Variants in PTPRT observed in about 807,000 individuals in gnomAD.
PTPRT encodes the protein protein tyrosine phosphatase receptor type T.
PTPRT carries 56 observed loss-of-function variants against 176.8 expected under a neutral mutation model. That is an observed-to-expected ratio of 0.32 (90% CI 0.26 to 0.40). PTPRT has a LOEUF of 0.40. PTPRT is among the 10% of genes least tolerant of loss of function. The pLI is 1.00. For missense variants in PTPRT, 1,540 were observed against 1,908.2 expected (o/e 0.81, Z 3.60); for synonymous variants, 783 against 739.0 (o/e 1.06, Z -0.96).
intron 1 of PTPRT, among the ~76,000 whole-genome samples, chr20:42,951,573 G>A (rs2146018095): frequency 6.6e-6 from 1 of 152,288 alleles, no homozygotes; most frequent in Non-Finnish European, 1.5e-5. Flanking sequence ...TCTGAGATAA[G>A]GTCCCAATCC....
intron 7 of PTPRT, among the ~76,000 whole-genome samples, chr20:42,579,787 T>C (rs116156631): frequency 0.022 from 3,291 of 152,328 alleles, 112 homozygotes; most frequent in African/African-American, 0.074. Context: ...GAGTTCATTG[T>C]AAATTCTCGA....
At chr20:43,127,198 C>T (rs556412095) in intron 1 of PTPRT, among the ~76,000 whole-genome samples, 10 of 151,938 alleles carry the variant, frequency 6.6e-5, no homozygotes, top group Non-Finnish European at 1.2e-4. Context: ...CAAAGGCGGG[C>T]GGATCACAAG....
At chr20:42,831,467 C>G (rs998462303) in intron 2 of PTPRT, among the ~76,000 whole-genome samples, 1 of 152,056 alleles carries the variant, frequency 6.6e-6, no homozygotes, top group African/African-American at 2.4e-5. Context: ...TACATAGGAA[C>G]AGCAAAGATT....
rs2011124163 is a variant in PTPRT at position 43,067,585 on chromosome 20, T to A, written c.88+122061A>T. Reference sequence around the variant, plus strand: ...AGGAGTGATATGATCTGAGATGTACTTTCAGGCAAGAACCAAGTAATGCTT... The same window carrying A: ...AGGAGTGATATGATCTGAGATGTACATTCAGGCAAGAACCAAGTAATGCTT... On this transcript the variant is annotated intron_variant, in intron 1 of 30. Transcript: ENST00000373187. Among the ~76,000 whole-genome samples the A allele has an allele frequency of 3.3e-5, 5 of 152,228 alleles. No individual in the cohort carries two copies. The South Asian group carries it at 1.0e-3, about 32-fold the overall frequency.
intron 11 of PTPRT, among the ~76,000 whole-genome samples, chr20:42,339,608 A>G (rs1399041222): frequency 6.6e-6 from 1 of 152,218 alleles, no homozygotes; most frequent in Non-Finnish European, 1.5e-5. Context: ...AGGCCACACC[A>G]GTAGTACTCA....
intron 1 of PTPRT, among the ~76,000 whole-genome samples, chr20:43,140,797 T>C (rs2013981249): frequency 6.6e-6 from 1 of 152,188 alleles, no homozygotes; most frequent in South Asian, 2.1e-4. Context: ...AAATTATCTT[T>C]TACAATGCTG....
chr20:42,654,081 G>T (rs1357959606), intron 7 of PTPRT, among the ~76,000 whole-genome samples: 1 of 152,124 alleles, frequency 6.6e-6, no homozygotes, highest in African/African-American at 2.4e-5. Context: ...CTCTTGCAGG[G>T]CTTCAAATGG....
chr20:42,824,067 G>A (rs943311142), intron 2 of PTPRT, among the ~76,000 whole-genome samples: 1 of 152,050 alleles, frequency 6.6e-6, no homozygotes, highest in Non-Finnish European at 1.5e-5. Flanking sequence ...ACAGAGATAT[G>A]AGAGGTCCAG....
In PTPRT at chr20:43,178,055, T is replaced by C. The variant is rs147814548; in HGVS notation, c.88+11591A>G. Among the ~76,000 whole-genome samples, 455 of 152,258 alleles carry C rather than the reference T, an allele frequency of 3.0e-3. 1 individual carries two copies. The highest frequency in any genetic ancestry group is 4.8e-3 in the Non-Finnish European group (327 of 68,010). ...TATAAAACTTCTGCTGAAGCAAGGG[T>C]GTTGTAGTATCTGGATTTGGTTGGG... On this transcript the variant is annotated intron_variant, in intron 1 of 30. Transcript: ENST00000373187.
intron 1 of PTPRT, among the ~76,000 whole-genome samples, chr20:43,058,816 AT>A (rs141784790): frequency 3.3e-5 from 5 of 151,444 alleles, no homozygotes; most frequent in African/African-American, 7.3e-5. Context: ...AGAAAACCTT[AT>A]TTTTTTTTCA....
chr20:42,215,806 C>T (rs977158914), intron 15 of PTPRT, among the ~76,000 whole-genome samples: 5 of 102,648 alleles, frequency 4.9e-5, no homozygotes, highest in African/African-American at 1.4e-4. Flanking sequence ...TATCCAGCCC[C>T]CGACTGCTGA....
intron 1 of PTPRT, among the ~76,000 whole-genome samples, chr20:42,906,282 C>A (rs373836263): frequency 1.3e-5 from 2 of 152,116 alleles, no homozygotes; most frequent in African/African-American, 4.8e-5. Flanking sequence ...GGAGGCTGAC[C>A]GTCAAAATGA....
intron 1 of PTPRT, among the ~76,000 whole-genome samples, chr20:43,152,068 C>T (rs1020139197): frequency 2.6e-5 from 4 of 152,094 alleles, no homozygotes; most frequent in African/African-American, 7.2e-5. Context: ...ATATTTCATT[C>T]GGGATTCATT....
At chr20:42,356,476 C>A (rs1046842456) in intron 9 of PTPRT, among the ~76,000 whole-genome samples, 2 of 152,096 alleles carry the variant, frequency 1.3e-5, no homozygotes, top group African/African-American at 4.8e-5. Flanking sequence ...AGGTGGATCA[C>A]CTGAGGTCGG....
At chr20:42,561,975 T>C (rs920438473) in intron 7 of PTPRT, among the ~76,000 whole-genome samples, 4 of 152,162 alleles carry the variant, frequency 2.6e-5, no homozygotes, top group South Asian at 2.1e-4. Flanking sequence ...CACAGTTTTA[T>C]TCTCCCCTGG....
chr20:42,736,156 G>T (rs1220162478), intron 6 of PTPRT, among the ~76,000 whole-genome samples: 2 of 152,162 alleles, frequency 1.3e-5, no homozygotes, highest in South Asian at 2.1e-4. Context: ...TGATTTGGGG[G>T]CATGTAATAT....
At chr20:42,608,145 A>G (rs972673635) in intron 7 of PTPRT, among the ~76,000 whole-genome samples, 3 of 152,122 alleles carry the variant, frequency 2.0e-5, no homozygotes, top group African/African-American at 7.2e-5. Context: ...CCAAGGCCCA[A>G]ACTCTGCATC....
At chr20:42,403,582 G>A (rs2058931740) in intron 9 of PTPRT, among the ~76,000 whole-genome samples, 1 of 152,106 alleles carries the variant, frequency 6.6e-6, no homozygotes, top group Non-Finnish European at 1.5e-5. Context: ...ATCCCTTTCT[G>A]CTTTGAAGAC....
chr20:42,118,381 G>A (rs1987405077), intron 21 of PTPRT, 22 bp downstream of exon 21: 5 of 1,585,672 alleles, frequency 3.2e-6, no homozygotes, highest in Non-Finnish European at 4.3e-6. Flanking sequence ...CCTCTGCCCA[G>A]GCGAGTGCAG....
Sources: allele counts gnomAD v4.1 joint callset (sites outside exome capture counted in the v4.1 genomes callset), GRCh38; gene constraint gnomAD v4.1.1; transcripts MANE v1.5; gene names NCBI Gene and HGNC (gene_info 2026-07-23, HGNC 2026-07-21).